The following CFAP44 variants were observed in gnomAD, a reference collection of about 807,000 sequenced individuals.
The protein encoded by CFAP44 is cilia- and flagella-associated protein 44.
Under a neutral mutation model 216.2 loss-of-function variants are expected in CFAP44, and 134 were observed. That is an observed-to-expected ratio of 0.62 (90% CI 0.54 to 0.72). The LOEUF (loss-of-function observed/expected upper bound fraction) is 0.72. Among genes scored for constraint, CFAP44 ranks in the 30% least tolerant of loss-of-function variants. CFAP44 has a pLI of 0.00. For missense variants in CFAP44, 2,035 were observed against 2,182.1 expected (o/e 0.93, Z 1.34); for synonymous variants, 700 against 727.6 (o/e 0.96, Z 0.61).
At chr3:113,325,182 A>G (rs1950178400) in intron 28 of CFAP44, among the ~76,000 whole-genome samples, 1 of 151,260 alleles carries the variant, frequency 6.6e-6, no homozygotes, top group African/African-American at 2.4e-5. Flanking sequence ...GGAGCCTATA[A>G]TCCCAGCTAC....
At chr3:113,374,823 A>G (rs1406760510) in intron 17 of CFAP44, among the ~76,000 whole-genome samples, 2 of 152,068 alleles carry the variant, frequency 1.3e-5, no homozygotes, top group Non-Finnish European at 2.9e-5. Context: ...TTTAGTAGAG[A>G]TGCGGTTTTG....
chr3:113,333,471 T>A lies in CFAP44; in HGVS notation c.3550A>T (p.Ile1184Leu), dbSNP rs1292681081. The A allele has an allele frequency of 9.1e-6, 14 of 1,537,132 alleles. No individual in the cohort carries two copies. Among genetic ancestry groups the A allele is most frequent in the Admixed American group, 2.0e-5 (1 of 50,996 alleles). ...GCATTTATTCTCATGTGCTCAGGTA[T>A]CTTGTAGTCTGGGGCTGTCTTCAGA... is the stretch of plus-strand genomic sequence containing the variant. The part of the protein sequence containing the change: ...FNLKTAPDYK[I>L]PEHMRINAAK... Residue 1184 changes from isoleucine to leucine, a missense_variant, in exon 25 of 35, where the codon ATA becomes TTA. Ile to Leu is a conservative substitution (Grantham distance 5, BLOSUM62 2). Coordinates refer to ENST00000393845, the MANE Select transcript of CFAP44 (RefSeq NM_001164496.2).
At position 113,353,453 on chromosome 3, in the gene CFAP44, TACACACACACACAC is replaced by T. The variant is rs34714015; in HGVS notation, c.3065+5278_3065+5291del. On this transcript the variant is annotated intron_variant, in intron 22 of 34. Transcript: ENST00000393845. Reference sequence around the variant, plus strand: ...GTTAGGATTCATATATATGTATGAATACACACACACACACACACACACACACACACACACACACA... The same window carrying T: ...GTTAGGATTCATATATATGTATGAATACACACACACACACACACACACACA... Among the ~76,000 whole-genome samples the T allele has an allele frequency of 1.7e-3, 245 of 141,830 alleles. 1 individual carries two copies. Among genetic ancestry groups the T allele is most frequent in the African/African-American group, 3.6e-3 (138 of 38,274 alleles). 93.0% of individuals were successfully genotyped at this position (141,830 alleles called of 152,430 possible).
intron 22 of CFAP44, among the ~76,000 whole-genome samples, chr3:113,354,740 A>G (rs1192689608): frequency 2.6e-5 from 4 of 152,110 alleles, no homozygotes; most frequent in Non-Finnish European, 5.9e-5. Flanking sequence ...ATATCTTGGG[A>G]GCTCTATACG....
At chr3:113,304,169 A>G in intron 31 of CFAP44, 52 bp from the exon 32 acceptor site, 1 of 1,505,506 alleles carries the variant, frequency 6.6e-7, no homozygotes, top group Non-Finnish European at 8.9e-7. Context: ...CAGATTTTGT[A>G]TGGCAACAGA....
chr3:113,436,166 G>A (rs891434688), intron 1 of CFAP44, among the ~76,000 whole-genome samples: 16 of 151,982 alleles, frequency 1.1e-4, no homozygotes, highest in African/African-American at 3.9e-4. Flanking sequence ...CCAGGGCTGA[G>A]AATATTTTCT....
chr3:113,406,803 T>C, intron 8 of CFAP44, 124 bp downstream of exon 8: 3 of 601,530 alleles, frequency 5.0e-6, no homozygotes, highest in African/African-American at 3.7e-5. Context: ...TAAAATTAAA[T>C]GTTCATTACA....
chr3:113,440,549 A>G (rs886730815), intron 1 of CFAP44, among the ~76,000 whole-genome samples: 3 of 151,564 alleles, frequency 2.0e-5, no homozygotes, highest in African/African-American at 4.9e-5. Context: ...CTTCATTCCT[A>G]CTGTCCCTGC....
At chr3:113,348,846 G>A (rs1950414489) in intron 22 of CFAP44, among the ~76,000 whole-genome samples, 1 of 152,214 alleles carries the variant, frequency 6.6e-6, no homozygotes, top group African/African-American at 2.4e-5. Context: ...ACAGGGTCTA[G>A]GACAAACCTT....
Position 113,344,715 on chromosome 3 carries a change from G to GA in CFAP44, c.3066-4dup, listed in dbSNP as rs932859298. 1.0e-5 allele frequency: 15 copies of GA among 1,487,312 alleles called. No homozygotes were observed. Among genetic ancestry groups the GA allele is most frequent in the Admixed American group, 5.3e-5 (2 of 37,722 alleles). The allele number at this position is 1,487,312 out of a possible 1,614,324, so 92.1% of individuals were successfully genotyped here. On this transcript the variant is annotated splice_region_variant and splice_polypyrimidine_tract_variant and intron_variant, in intron 22 of 34. Transcript: ENST00000393845. ...CACTTTCCAGTGGATCTCGAAATCT[G>GA]AAAAAATAAAACAAGTATTTGCAGT...
At chr3:113,291,878 G>C (rs114378814) in intron 34 of CFAP44, 130 bp from the exon 35 acceptor site, 2 of 1,025,852 alleles carry the variant, frequency 1.9e-6, no homozygotes, top group East Asian at 2.6e-5. Context: ...CCTTAATCTC[G>C]GGAGCCTTCA....
chr3:113,406,805 T>C, intron 8 of CFAP44, 122 bp downstream of exon 8: 14 of 613,174 alleles, frequency 2.3e-5, no homozygotes, highest in Admixed American at 3.2e-5. Context: ...AAATTAAATG[T>C]TCATTACATT....
chr3:113,419,999 A>T lies in CFAP44; in HGVS notation c.570+18T>A. ...ATAGGGTTTTTTGGGGTTTTTTTCT[A>T]ATTTATTGAAGGCATACCCCAATGA... is the stretch of plus-strand genomic sequence containing the variant. On this transcript the variant is annotated intron_variant, in intron 5 of 34. Coordinates refer to ENST00000393845, the MANE Select transcript of CFAP44 (RefSeq NM_001164496.2). 1 of 1,601,566 alleles carries T rather than the reference A, an allele frequency of 6.2e-7. No homozygotes were observed.
chr3:113,441,308 A>C, intron 1 of CFAP44, 145 bp downstream of exon 1: 1 of 885,594 alleles, frequency 1.1e-6, no homozygotes, highest in South Asian at 5.2e-5. Context: ...CGTGGCTTCA[A>C]AAGTTTGCTG....
chr3:113,335,038 A>G (rs559114385), intron 24 of CFAP44, among the ~76,000 whole-genome samples: 1 of 152,310 alleles, frequency 6.6e-6, no homozygotes, highest in African/African-American at 2.4e-5. Flanking sequence ...AAAGGAAAGG[A>G]GAAAGGGAGA....
intron 15 of CFAP44, among the ~76,000 whole-genome samples, chr3:113,394,926 T>C (rs1933949271): frequency 6.6e-6 from 1 of 152,252 alleles, no homozygotes; most frequent in Admixed American, 6.5e-5. Context: ...TTTAAATGTA[T>C]AGTTTTTTCT....
chr3:113,338,923 T>G (rs1050177465), intron 24 of CFAP44, among the ~76,000 whole-genome samples: 2 of 152,162 alleles, frequency 1.3e-5, no homozygotes, highest in African/African-American at 4.8e-5. Flanking sequence ...CTGACTCCTC[T>G]GCTGGGGGTG....
chr3:113,373,515 G>C lies in CFAP44; in HGVS notation c.2340C>G (p.Pro780=). The C allele has an allele frequency of 2.5e-6, 4 of 1,602,150 alleles. No homozygotes were observed. Among genetic ancestry groups the C allele is most frequent in the South Asian group, 1.1e-5 (1 of 88,958 alleles). Residue 780 remains proline, a synonymous_variant, in exon 18 of 35, where the codon CCC becomes CCG. Transcript: ENST00000393845. ...DSGFLYHCEF[P]PCDESSDFKE... ...TGAAATCACTGCTTTCATCACAAGG[G>C]GGGAACTCACAGTGATATAGAAAAC...
At chr3:113,436,111 C>T (rs774120264) in intron 1 of CFAP44, among the ~76,000 whole-genome samples, 10 of 152,266 alleles carry the variant, frequency 6.6e-5, no homozygotes, top group Non-Finnish European at 1.3e-4. Flanking sequence ...ATCCACATCT[C>T]AACATCCACT....
Sources: allele counts gnomAD v4.1 joint callset (sites outside exome capture counted in the v4.1 genomes callset), GRCh38; gene constraint gnomAD v4.1.1; transcripts MANE v1.5; gene names NCBI Gene and HGNC (gene_info 2026-07-23, HGNC 2026-07-21).